Variants in ST7 observed in about 807,000 individuals in gnomAD.
ST7 encodes suppressor of tumorigenicity 7 protein.
A neutral mutation model predicts 78.7 loss-of-function variants in ST7; 28 were observed. That is an observed-to-expected ratio of 0.36 (90% confidence interval 0.26 to 0.49). The LOEUF is 0.49. Among genes scored for constraint, ST7 ranks in the 20% least tolerant of loss-of-function variants. The pLI is 0.99. For synonymous variants in ST7, 247 were observed against 249.6 expected, an observed-to-expected ratio of 0.99 and a Z score of 0.10; for missense variants, 418 against 696.0, an observed-to-expected ratio of 0.60 and a Z score of 4.49.
At chr7:117,189,283 G>T in intron 10 of ST7, 38 bp from the exon 11 acceptor site, 1 of 1,519,242 alleles carries the variant, frequency 6.6e-7, no homozygotes, top group Non-Finnish European at 9.0e-7. Context: ...TTTGTTACCT[G>T]CAAACTTATG....
rs945099140 is a variant in ST7 at position 117,055,046 on chromosome 7, T to G, written c.152-44716T>G. The stretch of plus-strand genomic sequence containing the variant: ...AATTTAATTGAAGTAATCAGAATTA[T>G]GTATAATAGTGATTAATAGTCACCC... On this transcript the variant is annotated intron_variant, in intron 1 of 15. Transcript: ENST00000323984. 2.0e-4 allele frequency among the ~76,000 whole-genome samples: 31 copies of G among 152,182 alleles called. 1 individual carries two copies. Among genetic ancestry groups the G allele is most frequent in the Admixed American group, 2.0e-3 (30 of 15,278 alleles).
chr7:117,098,953 G>A, intron 1 of ST7: 1 of 687,730 alleles, frequency 1.5e-6, no homozygotes, highest in Non-Finnish European at 2.1e-6. Flanking sequence ...TGAATAGTGG[G>A]TATGAACAGA....
rs1195814063 is a variant in ST7, at chr7:117,177,400, A to G, written c.1078+6424A>G. On this transcript the variant is annotated intron_variant, in intron 10 of 15. Coordinates refer to ENST00000323984, the MANE Select transcript of ST7 (RefSeq NM_001369598.1). ...CCTCCAAATTTATGTTGGGTTTGGTAATCCTTATTGCCCAGTTATCATAAT... is the reference window on the plus strand; with the variant it reads ...CCTCCAAATTTATGTTGGGTTTGGTGATCCTTATTGCCCAGTTATCATAAT... Among the ~76,000 whole-genome samples the G allele has an allele frequency of 2.0e-5, 3 of 152,180 alleles. 1 individual carries two copies. Among genetic ancestry groups the G allele is most frequent in the Admixed American group, 2.0e-4 (3 of 15,278 alleles).
chr7:117,161,176 C>T (rs1264987246), intron 9 of ST7, among the ~76,000 whole-genome samples: 1 of 151,316 alleles, frequency 6.6e-6, no homozygotes, highest in African/African-American at 2.4e-5. Flanking sequence ...AATAATTTTG[C>T]CTCAAAAGGC....
chr7:117,142,954 TC>T (rs1805449771), intron 9 of ST7, among the ~76,000 whole-genome samples: 1 of 152,138 alleles, frequency 6.6e-6, no homozygotes, highest in South Asian at 2.1e-4. Flanking sequence ...AGTCTGGGCT[TC>T]CCTTAGTGTG....
chr7:117,132,933 C>T (rs1237667521), intron 6 of ST7, among the ~76,000 whole-genome samples: 4 of 151,900 alleles, frequency 2.6e-5, no homozygotes, highest in Non-Finnish European at 5.9e-5. Context: ...GTATTGTTCA[C>T]TCAATTACTA....
chr7:116,972,949 C>T, intron 1 of ST7: 1 of 1,153,976 alleles, frequency 8.7e-7, no homozygotes, highest in Non-Finnish European at 1.3e-6. Context: ...CCGATTCCTG[C>T]CTCCTCTGCT....
intron 1 of ST7, among the ~76,000 whole-genome samples, chr7:117,058,071 T>A (rs139380679): frequency 1.2e-3 from 182 of 152,308 alleles, no homozygotes; most frequent in Non-Finnish European, 2.1e-3. Context: ...TTCTACTTTT[T>A]AATTCTTTAT....
chr7:116,985,483 C>T (rs1210019377), intron 1 of ST7, among the ~76,000 whole-genome samples: 1 of 152,170 alleles, frequency 6.6e-6, no homozygotes, highest in Non-Finnish European at 1.5e-5. Context: ...ACATACAACT[C>T]AGAGTATGCA....
At chr7:116,991,659 C>CAAACCAT (rs1794435901) in intron 1 of ST7, among the ~76,000 whole-genome samples, 1 of 152,118 alleles carries the variant, frequency 6.6e-6, no homozygotes, top group African/African-American at 2.4e-5. Flanking sequence ...CAAACCATAT[C>CAAACCAT]ATTTCACCTC....
intron 12 of ST7, among the ~76,000 whole-genome samples, chr7:117,205,796 C>T (rs1318027185): frequency 1.4e-4 from 22 of 152,176 alleles, no homozygotes; most frequent in Non-Finnish European, 2.9e-5. Flanking sequence ...TTTTTAGAAG[C>T]ACTGCATTTC....
intron 12 of ST7, among the ~76,000 whole-genome samples, chr7:117,197,632 C>T (rs780884610): frequency 1.3e-5 from 2 of 152,136 alleles, no homozygotes; most frequent in South Asian, 4.1e-4. Context: ...ATTTATGAAC[C>T]TATTAAGTAC....
intron 2 of ST7, among the ~76,000 whole-genome samples, chr7:117,108,603 G>A (rs761616069): frequency 1.3e-5 from 2 of 151,936 alleles, no homozygotes. Context: ...GAATTTTTTG[G>A]TTGTTTTTTT....
chr7:117,124,666 T>C (rs995993669), intron 3 of ST7, among the ~76,000 whole-genome samples: 10 of 152,152 alleles, frequency 6.6e-5, no homozygotes, highest in African/African-American at 2.4e-4. Context: ...GTCAGACAGA[T>C]GTGGTCCTAA....
intron 1 of ST7, chr7:117,072,220 A>G (rs1373367939): frequency 6.6e-6 from 1 of 152,236 alleles, no homozygotes; most frequent in Non-Finnish European, 1.5e-5. Flanking sequence ...AATACAGCAT[A>G]GATCAGTGAG....
At chr7:116,969,420 G>A (rs928601055) in intron 1 of ST7, among the ~76,000 whole-genome samples, 3 of 152,316 alleles carry the variant, frequency 2.0e-5, no homozygotes, top group Admixed American at 2.0e-4. Context: ...CTGGGATTTT[G>A]AGTTTTTGGG....
At position 117,219,469 on chromosome 7, in the gene ST7, G is replaced by T. The variant is rs1013237028; in HGVS notation, c.1498+293G>T. 6.6e-6 allele frequency among the ~76,000 whole-genome samples: 1 copy of T among 152,196 alleles called. No individual in the cohort carries two copies. The highest frequency in any genetic ancestry group is 2.1e-4 in the South Asian group (1 of 4,830). On this transcript the variant is annotated intron_variant, in intron 14 of 15. Coordinates refer to ENST00000323984, the MANE Select transcript of ST7 (RefSeq NM_001369598.1). The surrounding 1 kb of genome is among the most constrained non-coding windows in gnomAD (Gnocchi z 5.1). The stretch of plus-strand genomic sequence containing the variant: ...ACAGAGACCCCTGGTTTGGGCTGGT[G>T]TCTGCTGGGCTGGTCCATTGTGAGG...
chr7:117,060,912 A>G (rs1327190585), intron 1 of ST7, among the ~76,000 whole-genome samples: 3 of 152,202 alleles, frequency 2.0e-5, no homozygotes, highest in South Asian at 4.1e-4. Flanking sequence ...TTGTTGAGGC[A>G]GGACAATCGC....
chr7:116,988,111 C>T (rs759250583), intron 1 of ST7, among the ~76,000 whole-genome samples: 2 of 152,190 alleles, frequency 1.3e-5, no homozygotes, highest in Non-Finnish European at 2.9e-5. Flanking sequence ...GGAGTACTGG[C>T]TGAACTAGTT....
Sources: gnomAD v4.1 joint callset for allele counts (sites outside exome capture counted in the v4.1 genomes callset) on GRCh38, gnomAD v4.1.1 for gene constraint, Gnocchi (gnomAD v3.1) non-coding constraint, MANE v1.5 for transcripts, NCBI Gene and HGNC (gene_info 2026-07-23, HGNC 2026-07-21) for gene names.